GLYR1: variants seen among roughly 807,000 people sequenced by gnomAD.
The protein encoded by GLYR1 is cytokine-like nuclear factor N-PAC.
GLYR1 carries 21 observed loss-of-function variants against 72.7 expected under a neutral mutation model. The observed-to-expected ratio is 0.29, with a 90% CI of 0.20 to 0.42. GLYR1 has a LOEUF of 0.42. Ranked by LOEUF, GLYR1 falls within the 10% of genes least tolerant of loss-of-function variation. GLYR1 has a pLI of 1.00. For missense variants in GLYR1, 594 were observed against 712.1 expected, an observed-to-expected ratio of 0.83 and a Z score of 1.89; for synonymous variants, 392 against 270.2, an observed-to-expected ratio of 1.45 and a Z score of -4.42.
chr16:4,826,989 GAACT>G (rs1375899725), intron 5 of GLYR1, among the ~76,000 whole-genome samples: 3 of 152,216 alleles, frequency 2.0e-5, no homozygotes, highest in South Asian at 2.1e-4. Context: ...GAGAGTCACA[GAACT>G]AACAGCGCTA....
chr16:4,823,811 A>C lies in GLYR1; in HGVS notation c.624+10T>G, dbSNP rs1486249618. The stretch of plus-strand genomic sequence containing the variant: ...CCACAGCTTGTCCTGCCTGCAGGAG[A>C]GCTCCTTACCTCGCTTGCGGTTGGC... On this transcript the variant is annotated intron_variant, in intron 6 of 15. Transcript: ENST00000321919. The C allele has an allele frequency of 6.2e-7, 1 of 1,611,560 alleles. No individual in the cohort carries two copies. The highest frequency in any genetic ancestry group is 1.7e-5 in the Admixed American group (1 of 59,868).
In GLYR1 at chr16:4,846,942, C is replaced by T. The variant is rs546384879; in HGVS notation, c.38+286G>A. 4.9e-3 allele frequency: 2,363 copies of T among 478,776 alleles called. 12 individuals carry two copies. The highest frequency in any genetic ancestry group is 7.6e-3 in the Middle Eastern group (14 of 1,832). The allele number at this position is 478,776 out of a possible 1,614,324, so 29.7% of individuals were successfully genotyped here. ...GTCCGGGGAAGCCTCGCGGCACCGGCGGCTCCCTTCACGGGGGCCGCCAGT... is the reference window on the plus strand; with the variant it reads ...GTCCGGGGAAGCCTCGCGGCACCGGTGGCTCCCTTCACGGGGGCCGCCAGT... On this transcript the variant is annotated intron_variant, in intron 1 of 15. Coordinates refer to ENST00000321919, the MANE Select transcript of GLYR1 (RefSeq NM_032569.4).
chr16:4,823,973 CCA>C, intron 5 of GLYR1, 66 bp from the exon 6 acceptor site: 1 of 1,317,072 alleles, frequency 7.6e-7, no homozygotes, highest in Non-Finnish European at 1.1e-6. Context: ...CTTGCAAGCT[CCA>C]CAGTCTAAGG....
At chr16:4,832,622 A>T in intron 4 of GLYR1, 152 bp downstream of exon 4, 1 of 953,848 alleles carries the variant, frequency 1.0e-6, no homozygotes, top group Non-Finnish European at 1.6e-6. Context: ...CAAACTGATA[A>T]GCAAAACGCT....
intron 10 of GLYR1, 109 bp from the exon 11 acceptor site, chr16:4,814,756 G>C: frequency 1.2e-6 from 1 of 841,972 alleles, no homozygotes; most frequent in South Asian, 1.5e-5. Flanking sequence ...CAAGGCAGGA[G>C]GCTGAGGCCG....
chr16:4,817,094 C>T (rs1050770215), intron 10 of GLYR1, among the ~76,000 whole-genome samples: 1 of 151,592 alleles, frequency 6.6e-6, no homozygotes, highest in African/African-American at 2.4e-5. Context: ...CAGGTGAACG[C>T]CACCATACCC....
chr16:4,815,035 C>G (rs1327896890), intron 10 of GLYR1, among the ~76,000 whole-genome samples: 8 of 152,050 alleles, frequency 5.3e-5, no homozygotes, highest in South Asian at 2.1e-4. Context: ...GGTGGCCATT[C>G]GTTTTTGGGT....
At chr16:4,842,019 A>C (rs1481757105) in intron 3 of GLYR1, among the ~76,000 whole-genome samples, 1 of 152,152 alleles carries the variant, frequency 6.6e-6, no homozygotes, top group African/African-American at 2.4e-5. Context: ...AGGCGGGCAG[A>C]TCACGAGGTC....
At chr16:4,818,222 T>A (rs2083777694) in intron 9 of GLYR1, among the ~76,000 whole-genome samples, 2 of 152,306 alleles carry the variant, frequency 1.3e-5, no homozygotes, top group South Asian at 2.1e-4. Context: ...CTCAAACTCC[T>A]GACCTCGTGA....
At chr16:4,810,646 G>A (rs541719499) in intron 15 of GLYR1, among the ~76,000 whole-genome samples, 4 of 130,558 alleles carry the variant, frequency 3.1e-5, no homozygotes, top group African/African-American at 8.8e-5. Context: ...GGCAGATCAC[G>A]AGGTCAGGAG....
chr16:4,844,021 C>G (rs1244136201), intron 3 of GLYR1: 1 of 153,528 alleles, frequency 6.5e-6, no homozygotes, highest in Non-Finnish European at 1.4e-5. Context: ...GGCTCAGGCA[C>G]CAGAATCACT....
chr16:4,833,747 A>G (rs1353281017), intron 3 of GLYR1, among the ~76,000 whole-genome samples: 2 of 152,234 alleles, frequency 1.3e-5, no homozygotes, highest in African/African-American at 2.4e-5. Context: ...GTAACACATG[A>G]AAGTGAAAGT....
chr16:4,833,484 C>T (rs1045988595), intron 3 of GLYR1, among the ~76,000 whole-genome samples: 2 of 152,058 alleles, frequency 1.3e-5, no homozygotes, highest in Non-Finnish European at 2.9e-5. Context: ...TTTGTGGTTC[C>T]TATGGATATT....
chr16:4,840,440 G>A (rs1289241562), intron 3 of GLYR1: 1 of 152,164 alleles, frequency 6.6e-6, no homozygotes, highest in Non-Finnish European at 1.5e-5. Context: ...ATGATGCATG[G>A]TTTTGTACTC....
intron 8 of GLYR1, 42 bp from the exon 9 acceptor site, chr16:4,821,495 A>C (rs1480593305): frequency 6.2e-7 from 1 of 1,613,868 alleles, no homozygotes; most frequent in African/African-American, 1.3e-5. Context: ...GTCTGCCTGC[A>C]GTTTAAGGCC....
At chr16:4,847,062 G>C in intron 1 of GLYR1, 166 bp downstream of exon 1, 1 of 662,306 alleles carries the variant, frequency 1.5e-6, no homozygotes, top group East Asian at 2.9e-5. Flanking sequence ...CCCGGGACTG[G>C]ACTGCCCCTT....
chr16:4,820,277 C>G (rs1323768716), intron 9 of GLYR1, among the ~76,000 whole-genome samples: 1 of 152,178 alleles, frequency 6.6e-6, no homozygotes, highest in East Asian at 1.9e-4. Flanking sequence ...CCATGAGCCA[C>G]CATGCCCAGG....
intron 12 of GLYR1, among the ~76,000 whole-genome samples, chr16:4,813,307 T>C (rs2141959292): frequency 6.6e-6 from 1 of 152,264 alleles, no homozygotes; most frequent in South Asian, 2.1e-4. Flanking sequence ...TGTGACCATG[T>C]CAATGGCTCG....
chr16:4,826,729 G>T (rs1257248903), intron 5 of GLYR1, among the ~76,000 whole-genome samples: 1 of 152,214 alleles, frequency 6.6e-6, no homozygotes, highest in Non-Finnish European at 1.5e-5. Flanking sequence ...CCAGTCAAGC[G>T]TCACTGTGGA....
Sources: allele counts gnomAD v4.1 joint callset (sites outside exome capture counted in the v4.1 genomes callset), GRCh38; gene constraint gnomAD v4.1.1; transcripts MANE v1.5; gene names NCBI Gene and HGNC (gene_info 2026-07-23, HGNC 2026-07-21).